The following KCNH7 variants were observed in gnomAD, a reference collection of about 807,000 sequenced individuals.
The protein encoded by KCNH7 is potassium voltage-gated channel subfamily H member 7.
In KCNH7, 49 loss-of-function variants were observed where a neutral mutation model predicts 120.8. That is an observed-to-expected ratio of 0.41 (90% CI 0.32 to 0.51). The LOEUF (loss-of-function observed/expected upper bound fraction) is 0.51, where lower values mean the gene tolerates loss of function less well. Ranked by LOEUF, KCNH7 falls within the 20% of genes least tolerant of loss-of-function variation. The probability of loss-of-function intolerance (pLI) is 0.38; values close to 1 mark genes in which losing one functional copy is unlikely to be tolerated. For synonymous variants in KCNH7, 547 were observed against 516.1 expected (o/e 1.06, Z -0.81); for missense variants, 1,097 against 1,446.6 (o/e 0.76, Z 3.92).
At chr2:162,484,369 T>G (rs149718105) in intron 6 of KCNH7, among the ~76,000 whole-genome samples, 2 of 152,112 alleles carry the variant, frequency 1.3e-5, no homozygotes, top group Admixed American at 6.5e-5. Context: ...TTGGTCCCCA[T>G]TCTCCTTTTC....
chr2:162,779,768 T>C lies in KCNH7; in HGVS notation c.307+56769A>G, dbSNP rs77200399. Among the ~76,000 whole-genome samples the C allele has an allele frequency of 3.8e-3, 581 of 152,234 alleles. 6 individuals are homozygous for C. The highest frequency in any genetic ancestry group is 0.028 in the East Asian group (142 of 5,148). ...CCAACCACGCTCCCTCATGGTCTCTTCCCTCTCAGAATAATTTTGCTCAAC... is the reference window on the plus strand; with the variant it reads ...CCAACCACGCTCCCTCATGGTCTCTCCCCTCTCAGAATAATTTTGCTCAAC... On this transcript the variant is annotated intron_variant, in intron 2 of 15. Coordinates refer to ENST00000332142, the MANE Select transcript of KCNH7 (RefSeq NM_033272.4).
intron 2 of KCNH7, among the ~76,000 whole-genome samples, chr2:162,582,957 C>T (rs945827356): frequency 3.3e-5 from 5 of 152,074 alleles, no homozygotes; most frequent in Admixed American, 2.0e-4. Flanking sequence ...AATCTTCCCA[C>T]GCTGAGTAGC....
chr2:162,470,078 C>T (rs563531970), intron 6 of KCNH7, among the ~76,000 whole-genome samples: 30 of 152,332 alleles, frequency 2.0e-4, no homozygotes, highest in African/African-American at 6.7e-4. Context: ...TCCCAGCCGC[C>T]TGCCTTGGCC....
chr2:162,432,097 C>T (rs997165909), intron 8 of KCNH7, among the ~76,000 whole-genome samples: 1 of 151,944 alleles, frequency 6.6e-6, no homozygotes, highest in Admixed American at 6.6e-5. Flanking sequence ...AAGGATATTT[C>T]TGCTATATAT....
In KCNH7 at chr2:162,746,181, T is replaced by C. The variant is rs139126695; in HGVS notation, c.307+90356A>G. Among the ~76,000 whole-genome samples, 16 of 152,220 alleles carry C rather than the reference T, an allele frequency of 1.1e-4. No individual in the cohort carries two copies. The East Asian group carries it at 3.1e-3, about 29-fold the overall frequency. ...GTTTTTAGATTTTCAAGCTGGAACTTTGATATAAATATGGAAATGGATATT... is the reference window on the plus strand; with the variant it reads ...GTTTTTAGATTTTCAAGCTGGAACTCTGATATAAATATGGAAATGGATATT... On this transcript the variant is annotated intron_variant, in intron 2 of 15. Transcript: ENST00000332142.
intron 2 of KCNH7, among the ~76,000 whole-genome samples, chr2:162,639,921 A>C (rs1009326180): frequency 6.6e-5 from 10 of 152,164 alleles, no homozygotes; most frequent in Admixed American, 4.6e-4. Flanking sequence ...CTATATACTA[A>C]CCATGAGCCA....
Position 162,812,879 on chromosome 2 carries a change from C to A in KCNH7, c.307+23658G>T, listed in dbSNP as rs192204339. Reference sequence around the variant, plus strand: ...GTGTATTTCAGGAAGGACTAGATGACCTTGGAGTAACTGGTGACCTTTCAA... The same window carrying A: ...GTGTATTTCAGGAAGGACTAGATGAACTTGGAGTAACTGGTGACCTTTCAA... On this transcript the variant is annotated intron_variant, in intron 2 of 15. Coordinates refer to ENST00000332142, the MANE Select transcript of KCNH7 (RefSeq NM_033272.4). Among the ~76,000 whole-genome samples, 53 of 152,106 alleles carry A rather than the reference C, an allele frequency of 3.5e-4. No homozygotes were observed. In the East Asian group the frequency reaches 9.1e-3, roughly 26 times the overall value.
At chr2:162,586,904 C>T (rs1260631880) in intron 2 of KCNH7, among the ~76,000 whole-genome samples, 1 of 152,040 alleles carries the variant, frequency 6.6e-6, no homozygotes. Context: ...ATGCTTCTAT[C>T]ATCGTCATGA....
chr2:162,414,514 G>T (rs751647441), intron 9 of KCNH7, among the ~76,000 whole-genome samples: 7 of 151,730 alleles, frequency 4.6e-5, no homozygotes, highest in Non-Finnish European at 1.0e-4. Flanking sequence ...TGAATTAGTT[G>T]TATTAGCCAA....
At chr2:162,804,670 GCCC>G (rs1684471555) in intron 2 of KCNH7, among the ~76,000 whole-genome samples, 1 of 151,416 alleles carries the variant, frequency 6.6e-6, no homozygotes, top group Admixed American at 6.6e-5. Flanking sequence ...TGGCCATACT[GCCC>G]AAAACCATCC....
chr2:162,506,629 C>G (rs1311681327), intron 5 of KCNH7, among the ~76,000 whole-genome samples: 1 of 151,680 alleles, frequency 6.6e-6, no homozygotes, highest in Non-Finnish European at 1.5e-5. Flanking sequence ...TTTTTATCAT[C>G]CTTCTCTATG....
intron 2 of KCNH7, among the ~76,000 whole-genome samples, chr2:162,802,906 A>C (rs1354075825): frequency 6.6e-6 from 1 of 151,780 alleles, no homozygotes; most frequent in Non-Finnish European, 1.5e-5. Context: ...TAGATAATAG[A>C]AAATTTAAAA....
At chr2:162,760,013 T>C (rs992358342) in intron 2 of KCNH7, among the ~76,000 whole-genome samples, 1 of 152,146 alleles carries the variant, frequency 6.6e-6, no homozygotes, top group African/African-American at 2.4e-5. Context: ...TAACGTCACT[T>C]AAGTGGAAAA....
chr2:162,754,326 A>G (rs1473153978), intron 2 of KCNH7, among the ~76,000 whole-genome samples: 1 of 152,144 alleles, frequency 6.6e-6, no homozygotes, highest in Admixed American at 6.6e-5. Context: ...GAAAGACATC[A>G]CAGAGAGTGA....
At chr2:162,531,805 G>A in intron 3 of KCNH7, among the ~76,000 whole-genome samples, 1 of 151,856 alleles carries the variant, frequency 6.6e-6, no homozygotes, top group Admixed American at 6.6e-5. Flanking sequence ...ATATTGTACT[G>A]TCATTTAGAC....
intron 5 of KCNH7, 123 bp from the exon 6 acceptor site, chr2:162,504,780 G>T: frequency 1.5e-6 from 1 of 658,044 alleles, no homozygotes; most frequent in Non-Finnish European, 2.7e-6. Flanking sequence ...ACTGAATGCA[G>T]CCAGCTTATA....
At chr2:162,747,234 G>GA (rs1183270524) in intron 2 of KCNH7, among the ~76,000 whole-genome samples, 1 of 152,126 alleles carries the variant, frequency 6.6e-6, no homozygotes, top group Non-Finnish European at 1.5e-5. Flanking sequence ...AACAGCAGTT[G>GA]AATGAGTAAG....
intron 2 of KCNH7, among the ~76,000 whole-genome samples, chr2:162,820,751 A>G (rs1186124632): frequency 6.6e-6 from 1 of 152,168 alleles, no homozygotes; most frequent in East Asian, 1.9e-4. Context: ...TGAGTATACC[A>G]GCTATATCAC....
chr2:162,763,213 C>A (rs1380463152), intron 2 of KCNH7, among the ~76,000 whole-genome samples: 2 of 152,048 alleles, frequency 1.3e-5, no homozygotes, highest in African/African-American at 4.8e-5. Context: ...AAGACAGGAG[C>A]CATGATTCAT....
Sources: gnomAD v4.1 joint callset for allele counts (sites outside exome capture counted in the v4.1 genomes callset) on GRCh38, gnomAD v4.1.1 for gene constraint, MANE v1.5 for transcripts, NCBI Gene and HGNC (gene_info 2026-07-23, HGNC 2026-07-21) for gene names.